The following PPP3CC variants were observed in gnomAD, a reference collection of about 807,000 sequenced individuals.
PPP3CC encodes the protein serine/threonine-protein phosphatase 2B catalytic subunit gamma isoform.
Under a neutral mutation model 60.3 loss-of-function variants are expected in PPP3CC, and 35 were observed. The observed-to-expected ratio is 0.58, with a 90% CI of 0.44 to 0.77. The LOEUF is 0.77. Ranked by LOEUF, PPP3CC falls within the 30% of genes least tolerant of loss-of-function variation. PPP3CC has a pLI of 0.00. For missense variants in PPP3CC, 570 were observed against 628.9 expected (o/e 0.91, Z 1.00); for synonymous variants, 206 against 224.3 (o/e 0.92, Z 0.73).
At chr8:22,518,607 G>A (rs1056650099) in intron 6 of PPP3CC, among the ~76,000 whole-genome samples, 1 of 152,172 alleles carries the variant, frequency 6.6e-6, no homozygotes, top group South Asian at 2.1e-4. Context: ...TCATAGTGTT[G>A]TTCAGTTCTG....
intron 4 of PPP3CC, among the ~76,000 whole-genome samples, chr8:22,508,261 T>A (rs566937233): frequency 2.5e-4 from 38 of 152,122 alleles, no homozygotes; most frequent in Admixed American, 5.2e-4. Flanking sequence ...TCTAAAAAAA[T>A]TTTTTTAAAA....
chr8:22,441,332 GC>G lies in PPP3CC; in HGVS notation c.-75del. 2.8e-6 allele frequency: 4 copies of G among 1,445,924 alleles called. No homozygotes were observed. Among genetic ancestry groups the G allele is most frequent in the Non-Finnish European group, 3.7e-6 (4 of 1,084,500 alleles). 89.6% of individuals were successfully genotyped at this position (1,445,924 alleles called of 1,614,324 possible). On this transcript the variant is annotated 5_prime_UTR_variant, in exon 1 of 14. Transcript: ENST00000240139. ...CTGACGGCTCCGGGCAGCTAAGGCT[GC>G]CCGAGGAGAAGGCGGCGGCCGCGGC... is the stretch of plus-strand genomic sequence containing the variant.
chr8:22,514,343 A>G (rs948661926), intron 6 of PPP3CC, among the ~76,000 whole-genome samples: 1 of 151,704 alleles, frequency 6.6e-6, no homozygotes, highest in Non-Finnish European at 1.5e-5. Context: ...AATAATACAT[A>G]TGTTTATTTC....
chr8:22,466,404 A>G (rs185758257), intron 1 of PPP3CC, among the ~76,000 whole-genome samples: 2 of 152,340 alleles, frequency 1.3e-5, no homozygotes, highest in East Asian at 3.9e-4. Context: ...TCCTTGAGGA[A>G]TCACCACACT....
At chr8:22,451,705 C>G (rs1417246260) in intron 1 of PPP3CC, among the ~76,000 whole-genome samples, 1 of 152,116 alleles carries the variant, frequency 6.6e-6, no homozygotes, top group East Asian at 1.9e-4. Flanking sequence ...ACAGATTGAC[C>G]ACGTAGGTGG....
At chr8:22,527,568 C>G in intron 9 of PPP3CC, 51 bp downstream of exon 9, 1 of 1,577,942 alleles carries the variant, frequency 6.3e-7, no homozygotes, top group Non-Finnish European at 8.6e-7. Context: ...ACTGAGCATA[C>G]CTTATATTTG....
intron 1 of PPP3CC, among the ~76,000 whole-genome samples, chr8:22,450,301 A>T (rs1836973049): frequency 6.6e-6 from 1 of 152,196 alleles, no homozygotes; most frequent in Non-Finnish European, 1.5e-5. Context: ...TATTGAAGAG[A>T]TTGAAGTGAA....
At chr8:22,480,509 C>T (rs554534092) in intron 3 of PPP3CC, among the ~76,000 whole-genome samples, 5 of 152,174 alleles carry the variant, frequency 3.3e-5, no homozygotes, top group Admixed American at 2.0e-4. Context: ...GACGGAGTCT[C>T]GCTCTGTCAC....
chr8:22,454,290 A>G (rs1449598565), intron 1 of PPP3CC, among the ~76,000 whole-genome samples: 6 of 152,194 alleles, frequency 3.9e-5, no homozygotes. Context: ...AGTCAGGATG[A>G]TCAATGTCAC....
intron 5 of PPP3CC, among the ~76,000 whole-genome samples, chr8:22,512,943 G>A (rs953371993): frequency 1.1e-4 from 16 of 152,122 alleles, no homozygotes; most frequent in Admixed American, 1.3e-4. Flanking sequence ...GGGTGTGGTG[G>A]CACATGCCTG....
Position 22,528,493 on chromosome 8 carries a change from T to C in PPP3CC, c.1070-13T>C. The C allele has an allele frequency of 1.3e-6, 2 of 1,500,426 alleles. No homozygotes were observed. Among genetic ancestry groups the C allele is most frequent in the Non-Finnish European group, 1.8e-6 (2 of 1,114,490 alleles). 92.9% of individuals were successfully genotyped at this position (1,500,426 alleles called of 1,614,324 possible). On this transcript the variant is annotated splice_polypyrimidine_tract_variant and intron_variant, in intron 9 of 13. Coordinates refer to ENST00000240139, the MANE Select transcript of PPP3CC (RefSeq NM_005605.5). ...TTAATCGCGTAAATTTTGGATTATT[T>C]TGTCTTACTTAGTCACAGAGATGCT...
chr8:22,539,466 C>G lies in PPP3CC; in HGVS notation c.1322-3C>G. The G allele has an allele frequency of 6.2e-7, 1 of 1,613,998 alleles. No homozygotes were observed. Among genetic ancestry groups the G allele is most frequent in the Non-Finnish European group, 8.5e-7 (1 of 1,179,970 alleles). On this transcript the variant is annotated splice_polypyrimidine_tract_variant and splice_region_variant and intron_variant, in intron 12 of 13. Coordinates refer to ENST00000240139, the MANE Select transcript of PPP3CC (RefSeq NM_005605.5). The stretch of plus-strand genomic sequence containing the variant: ...GCATGCTACTGCTCCTGCCCTCTTA[C>G]AGCCACAGTAGAAGCGGTAGAGGCC...
chr8:22,522,901 T>A, intron 8 of PPP3CC, 152 bp downstream of exon 8: 1 of 572,170 alleles, frequency 1.7e-6, no homozygotes, highest in Non-Finnish European at 3.0e-6. Flanking sequence ...GCCAAGAAAT[T>A]TAGAATTTAT....
chr8:22,441,512 G>A, intron 1 of PPP3CC, 54 bp downstream of exon 1: 2 of 1,490,840 alleles, frequency 1.3e-6, no homozygotes, highest in Non-Finnish European at 9.0e-7. Flanking sequence ...GCCTTCGGCT[G>A]GGCGGCGGCT....
intron 4 of PPP3CC, among the ~76,000 whole-genome samples, chr8:22,504,761 T>TAAAC (rs1478639069): frequency 7.2e-6 from 1 of 138,102 alleles, no homozygotes; most frequent in African/African-American, 2.6e-5. Flanking sequence ...GTTCCCTAGG[T>TAAAC]TGGAACACAC....
rs1333294763 is a variant in PPP3CC at position 22,475,534 on chromosome 8, A to C, written c.282A>C (p.Leu94=). 1.2e-6 allele frequency: 2 copies of C among 1,611,198 alleles called. No homozygotes were observed. The highest frequency in any genetic ancestry group is 1.7e-6 in the Non-Finnish European group (2 of 1,177,640). Residue 94 remains leucine, a synonymous_variant, in exon 3 of 14, where the codon CTA becomes CTC. Coordinates refer to ENST00000240139, the MANE Select transcript of PPP3CC (RefSeq NM_005605.5). The part of the protein sequence containing the change: ...CGDIHGQFFD[L]MKLFEVGGSP... Reference sequence around the variant, plus strand: ...ATATTCATGGACAATTCTTTGACCTAATGAAGTTATTTGAAGTTGGAGGAT... The same window carrying C: ...ATATTCATGGACAATTCTTTGACCTCATGAAGTTATTTGAAGTTGGAGGAT...
At position 22,538,226 on chromosome 8, in the gene PPP3CC, C is replaced by CTT. The variant is rs373975942; in HGVS notation, c.1322-1240_1322-1239dup. ...ATATCATACACATTTTACCGTGTAGCTTTTAAGCTCTAATTAGACCAACAC... is the reference window on the plus strand; with the variant it reads ...ATATCATACACATTTTACCGTGTAGCTTTTTTAAGCTCTAATTAGACCAACAC... On this transcript the variant is annotated intron_variant, in intron 12 of 13. Coordinates refer to ENST00000240139, the MANE Select transcript of PPP3CC (RefSeq NM_005605.5). Among the ~76,000 whole-genome samples, 406 of 152,288 alleles carry CTT rather than the reference C, an allele frequency of 2.7e-3. 2 individuals are homozygous for CTT. The highest frequency in any genetic ancestry group is 5.0e-3 in the Non-Finnish European group (339 of 68,012).
At chr8:22,509,078 C>T (rs1839007728) in intron 4 of PPP3CC, among the ~76,000 whole-genome samples, 1 of 152,284 alleles carries the variant, frequency 6.6e-6, no homozygotes, top group East Asian at 1.9e-4. Context: ...CCAGTATTGG[C>T]GTTAAAGAGA....
chr8:22,448,558 T>G (rs545824703), intron 1 of PPP3CC, among the ~76,000 whole-genome samples: 9 of 152,118 alleles, frequency 5.9e-5, no homozygotes, highest in African/African-American at 2.2e-4. Flanking sequence ...TTTATATTTT[T>G]AGTAGAGACG....
Sources: allele counts gnomAD v4.1 joint callset (sites outside exome capture counted in the v4.1 genomes callset), GRCh38; gene constraint gnomAD v4.1.1; transcripts MANE v1.5; gene names NCBI Gene and HGNC (gene_info 2026-07-23, HGNC 2026-07-21).